CFAP20DC: variants seen among roughly 807,000 people sequenced by gnomAD.
The protein encoded by CFAP20DC is protein CFAP20DC.
CFAP20DC carries 84 observed loss-of-function variants against 101.7 expected under a neutral mutation model. That is an observed-to-expected ratio of 0.83 (90% CI 0.69 to 0.99). The LOEUF is 0.99. CFAP20DC is among the 50% of genes least tolerant of loss of function. The pLI is 0.00. For missense variants in CFAP20DC, 1,007 were observed against 970.3 expected, an observed-to-expected ratio of 1.04 and a Z score of -0.50; for synonymous variants, 359 against 351.2, an observed-to-expected ratio of 1.02 and a Z score of -0.25.
downstream of CFAP20DC, among the ~76,000 whole-genome samples, chr3:58,739,721 A>G (rs2067839652): frequency 6.6e-6 from 1 of 152,236 alleles, no homozygotes; most frequent in South Asian, 2.1e-4. Context: ...ATTTTTATTA[A>G]CTTTCCAGAA....
At chr3:58,829,479 T>C (rs181639229) in intron 14 of CFAP20DC, among the ~76,000 whole-genome samples, 216 of 152,232 alleles carry the variant, frequency 1.4e-3, no homozygotes, top group Admixed American at 5.3e-3. Context: ...CTAAACTCTA[T>C]ACAAGCAGCA....
chr3:58,773,205 C>T (rs1340060029), intron 15 of CFAP20DC, among the ~76,000 whole-genome samples: 1 of 151,546 alleles, frequency 6.6e-6, no homozygotes, highest in Non-Finnish European at 1.5e-5. Context: ...GGGTTTTCTT[C>T]CTCATACTAA....
intron 16 of CFAP20DC, among the ~76,000 whole-genome samples, chr3:58,747,042 G>A (rs1329890691): frequency 1.3e-5 from 2 of 151,996 alleles, no homozygotes; most frequent in African/African-American, 4.8e-5. Flanking sequence ...TCCTCAAAAT[G>A]CTAAATTGCT....
At chr3:59,029,693 A>G (rs1049995455) in intron 4 of CFAP20DC, among the ~76,000 whole-genome samples, 5 of 152,158 alleles carry the variant, frequency 3.3e-5, no homozygotes, top group Non-Finnish European at 5.9e-5. Context: ...GTTTTTAGAA[A>G]GACCACTCTA....
In CFAP20DC at chr3:58,905,886, TC is replaced by T. The variant is rs577922363; in HGVS notation, c.550+7821del. Among the ~76,000 whole-genome samples the T allele has an allele frequency of 3.3e-5, 5 of 152,314 alleles. No homozygotes were observed. The East Asian group carries it at 7.7e-4, about 23-fold the overall frequency. On this transcript the variant is annotated intron_variant, in intron 6 of 16. Transcript: ENST00000482387. ...AGTCACCAAATCTTGGCATTCTTACTCCATGGCATCTCTTGTATCTTTCCTT... is the reference window on the plus strand; with the variant it reads ...AGTCACCAAATCTTGGCATTCTTACTCATGGCATCTCTTGTATCTTTCCTT...
chr3:59,029,867 T>A (rs990413323), intron 4 of CFAP20DC, among the ~76,000 whole-genome samples: 1 of 152,140 alleles, frequency 6.6e-6, no homozygotes, highest in Non-Finnish European at 1.5e-5. Flanking sequence ...AAATCCCCCA[T>A]GCCTAACACG....
At chr3:58,851,278 G>C (rs1340449597) in intron 12 of CFAP20DC, among the ~76,000 whole-genome samples, 1 of 152,166 alleles carries the variant, frequency 6.6e-6, no homozygotes, top group Non-Finnish European at 1.5e-5. Context: ...TTGGCTTGTG[G>C]AGACAGTAGA....
Position 58,986,586 on chromosome 3 carries a change from T to C in CFAP20DC, c.279-48824A>G, listed in dbSNP as rs528168205. On this transcript the variant is annotated intron_variant, in intron 4 of 16. Transcript: ENST00000482387. Reference sequence around the variant, plus strand: ...GTCTCTGTCCAGGCTTTGGGTTGGGTTGAGTAAAAAGTCGACTGTGAGAAA... The same window carrying C: ...GTCTCTGTCCAGGCTTTGGGTTGGGCTGAGTAAAAAGTCGACTGTGAGAAA... Among the ~76,000 whole-genome samples the C allele has an allele frequency of 4.6e-5, 7 of 152,170 alleles. No individual in the cohort carries two copies. The East Asian group carries it at 7.7e-4, about 17-fold the overall frequency.
chr3:59,043,977 C>A (rs1018262315), intron 3 of CFAP20DC, among the ~76,000 whole-genome samples: 2 of 152,144 alleles, frequency 1.3e-5, no homozygotes, highest in Admixed American at 1.3e-4. Flanking sequence ...AAGATCCCTG[C>A]CCTAGAGAAG....
At chr3:58,852,517 C>T (rs2078342892) in intron 12 of CFAP20DC, among the ~76,000 whole-genome samples, 2 of 152,094 alleles carry the variant, frequency 1.3e-5, no homozygotes, top group Admixed American at 1.3e-4. Flanking sequence ...ACTCTCCACC[C>T]CAAATCAACA....
intron 4 of CFAP20DC, among the ~76,000 whole-genome samples, chr3:58,970,956 A>G (rs2091913531): frequency 6.6e-6 from 1 of 152,182 alleles, no homozygotes; most frequent in African/African-American, 2.4e-5. Flanking sequence ...GCTTATTTAA[A>G]AAATAACCAT....
At chr3:58,934,442 T>C (rs2087217934) in intron 5 of CFAP20DC, among the ~76,000 whole-genome samples, 1 of 152,188 alleles carries the variant, frequency 6.6e-6, no homozygotes, top group Admixed American at 6.5e-5. Flanking sequence ...ATCATCCTGA[T>C]ACCAAAGCTG....
chr3:58,855,400 T>A (rs1372701243), intron 12 of CFAP20DC, among the ~76,000 whole-genome samples: 1 of 152,142 alleles, frequency 6.6e-6, no homozygotes, highest in Non-Finnish European at 1.5e-5. Flanking sequence ...GACTGTAAAC[T>A]AGTTCAACCA....
chr3:58,951,777 G>A (rs1374516505), intron 4 of CFAP20DC, among the ~76,000 whole-genome samples: 1 of 152,004 alleles, frequency 6.6e-6, no homozygotes, highest in Admixed American at 6.5e-5. Flanking sequence ...GGAGAGGGGA[G>A]GGATAACATT....
chr3:58,884,761 A>C (rs1357566902), intron 6 of CFAP20DC, 52 bp from the exon 7 acceptor site: 1 of 1,412,532 alleles, frequency 7.1e-7, no homozygotes, highest in East Asian at 2.3e-5. Flanking sequence ...TTTCTGCCAA[A>C]TGGACCTATC....
At chr3:58,810,230 GTT>G (rs2074494777) in intron 14 of CFAP20DC, among the ~76,000 whole-genome samples, 1 of 152,026 alleles carries the variant, frequency 6.6e-6, no homozygotes, top group African/African-American at 2.4e-5. Context: ...TGATACCAAA[GTT>G]GGGCAGAGAC....
At position 58,976,481 on chromosome 3, in the gene CFAP20DC, T is replaced by C. The variant is rs537269893; in HGVS notation, c.279-38719A>G. Among the ~76,000 whole-genome samples the C allele has an allele frequency of 2.6e-5, 4 of 152,308 alleles. No individual in the cohort carries two copies. In the East Asian group the frequency reaches 7.7e-4, roughly 29 times the overall value. On this transcript the variant is annotated intron_variant, in intron 4 of 16. Transcript: ENST00000482387. ...TGATGACCATTTTTGCCATCACCTGTGTCCTGAAAGTGCCTGGGGTGAGCA... is the reference window on the plus strand; with the variant it reads ...TGATGACCATTTTTGCCATCACCTGCGTCCTGAAAGTGCCTGGGGTGAGCA...
intron 10 of CFAP20DC, among the ~76,000 whole-genome samples, chr3:58,866,955 A>G (rs1239403921): frequency 6.6e-6 from 1 of 152,132 alleles, no homozygotes; most frequent in Admixed American, 6.5e-5. Flanking sequence ...GAATGCCAAA[A>G]CCCATAAAAT....
chr3:58,951,354 C>G (rs1353662352), intron 4 of CFAP20DC, among the ~76,000 whole-genome samples: 1 of 152,190 alleles, frequency 6.6e-6, no homozygotes, highest in Non-Finnish European at 1.5e-5. Flanking sequence ...TATGGCGATT[C>G]CTCAGGGATC....
Sources: allele counts gnomAD v4.1 joint callset (sites outside exome capture counted in the v4.1 genomes callset), GRCh38; gene constraint gnomAD v4.1.1; transcripts MANE v1.5; gene names NCBI Gene and HGNC (gene_info 2026-07-23, HGNC 2026-07-21).